KCNH1: variants seen among roughly 807,000 people sequenced by gnomAD.
The protein encoded by KCNH1 is voltage-gated delayed rectifier potassium channel KCNH1.
In KCNH1, 27 loss-of-function variants were observed where a neutral mutation model predicts 69.2. The ratio of observed to expected loss-of-function variants is 0.39; its 90% CI spans 0.29 to 0.54. The LOEUF (loss-of-function observed/expected upper bound fraction) is 0.54, where lower values mean the gene tolerates loss of function less well. KCNH1 is among the 20% of genes least tolerant of loss of function. The pLI, the probability that KCNH1 is intolerant of heterozygous loss-of-function variation, is 0.68. For synonymous variants in KCNH1, 456 were observed against 487.7 expected (o/e 0.93, Z 0.86); for missense variants, 798 against 1,261.6 (o/e 0.63, Z 5.57).
At chr1:210,953,090 A>G (rs1274817752) in intron 6 of KCNH1, among the ~76,000 whole-genome samples, 1 of 152,118 alleles carries the variant, frequency 6.6e-6, no homozygotes, top group Non-Finnish European at 1.5e-5. Flanking sequence ...CTCCCTCACA[A>G]TCTTTCTCCC....
chr1:210,827,953 T>C (rs1685068289), intron 7 of KCNH1, among the ~76,000 whole-genome samples: 1 of 152,166 alleles, frequency 6.6e-6, no homozygotes, highest in African/African-American at 2.4e-5. Flanking sequence ...GGTGGAGTCA[T>C]TCTCATGTCT....
intron 7 of KCNH1, among the ~76,000 whole-genome samples, chr1:210,813,160 C>T (rs1296602197): frequency 6.6e-6 from 1 of 152,172 alleles, no homozygotes; most frequent in African/African-American, 2.4e-5. Context: ...TGACAGTTGA[C>T]ACACATTGGA....
intron 1 of KCNH1, among the ~76,000 whole-genome samples, chr1:211,111,633 C>A (rs1042602577): frequency 6.6e-6 from 1 of 150,856 alleles, no homozygotes; most frequent in South Asian, 2.1e-4. Flanking sequence ...CCGGCCCCCG[C>A]CCCGTCTGGG....
intron 7 of KCNH1, among the ~76,000 whole-genome samples, chr1:210,834,684 T>TC (rs1455455013): frequency 9.9e-6 from 1 of 100,696 alleles, no homozygotes; most frequent in African/African-American, 5.3e-5. Flanking sequence ...TAAAGTATAA[T>TC]TAAAAAAAAA....
At chr1:211,089,709 G>T (rs1451380938) in intron 4 of KCNH1, among the ~76,000 whole-genome samples, 3 of 152,208 alleles carry the variant, frequency 2.0e-5, no homozygotes, top group Non-Finnish European at 2.9e-5. Context: ...AAGGAGCAGA[G>T]GTCTCCAGCA....
chr1:210,737,202 A>G (rs1682901286), intron 10 of KCNH1, among the ~76,000 whole-genome samples: 1 of 152,200 alleles, frequency 6.6e-6, no homozygotes, highest in South Asian at 2.1e-4. Flanking sequence ...GGACAGGGAA[A>G]TGGTCTCAGA....
chr1:210,859,734 G>A, intron 7 of KCNH1: 1 of 1,125,198 alleles, frequency 8.9e-7, no homozygotes, highest in African/African-American at 1.5e-5. Flanking sequence ...TTAAACCTTG[G>A]GGTATCTGTT....
chr1:210,736,919 CAA>C (rs1488940745), intron 10 of KCNH1, among the ~76,000 whole-genome samples: 1 of 152,096 alleles, frequency 6.6e-6, no homozygotes, highest in Non-Finnish European at 1.5e-5. Context: ...GCTTGCTTAC[CAA>C]AGAGTGTTGA....
intron 6 of KCNH1, among the ~76,000 whole-genome samples, chr1:210,977,186 T>C (rs1279235837): frequency 6.6e-6 from 1 of 151,994 alleles, no homozygotes; most frequent in Admixed American, 6.6e-5. Context: ...CAGCAAACTA[T>C]TGCAAGGACA....
intron 10 of KCNH1, among the ~76,000 whole-genome samples, chr1:210,688,028 G>T (rs185421552): frequency 1.3e-3 from 194 of 152,318 alleles, no homozygotes; most frequent in South Asian, 0.011. Context: ...AGGGGGAAAA[G>T]TTCCAAGGTT....
intron 7 of KCNH1, among the ~76,000 whole-genome samples, chr1:210,887,972 A>G (rs1355846583): frequency 1.3e-5 from 2 of 152,160 alleles, no homozygotes; most frequent in African/African-American, 4.8e-5. Flanking sequence ...GGGAGACTTT[A>G]ACACCCCATT....
intron 6 of KCNH1, among the ~76,000 whole-genome samples, chr1:210,937,647 A>G (rs1421867294): frequency 6.6e-6 from 1 of 151,932 alleles, no homozygotes; most frequent in Non-Finnish European, 1.5e-5. Flanking sequence ...GCAGTGGTAT[A>G]CTCCTGTTAC....
At chr1:210,849,399 C>CT (rs1235154957) in intron 7 of KCNH1, among the ~76,000 whole-genome samples, 11 of 110,606 alleles carry the variant, frequency 9.9e-5, no homozygotes, top group Non-Finnish European at 1.5e-4. Flanking sequence ...GAGTTTTGCT[C>CT]TTTTTTGCCC....
intron 7 of KCNH1, among the ~76,000 whole-genome samples, chr1:210,905,321 C>G (rs762332975): frequency 6.6e-6 from 1 of 152,078 alleles, no homozygotes; most frequent in Non-Finnish European, 1.5e-5. Flanking sequence ...TAAGAGTAGC[C>G]CATAGTAAGT....
chr1:210,908,943 C>T (rs1777250), intron 7 of KCNH1, among the ~76,000 whole-genome samples: 78,886 of 152,078 alleles, frequency 0.52, 20,639 homozygotes, highest in Admixed American at 0.53. Flanking sequence ...CCTTCTGCTC[C>T]TTTTGTTCTT....
chr1:210,900,050 T>C (rs1390505997), intron 7 of KCNH1, among the ~76,000 whole-genome samples: 1 of 152,244 alleles, frequency 6.6e-6, no homozygotes, highest in Non-Finnish European at 1.5e-5. Context: ...TAAATGCTTC[T>C]TGCCTCCTAG....
In KCNH1 at chr1:211,116,774, G is replaced by C. The variant is rs1691591597; in HGVS notation, c.80-9397C>G. On this transcript the variant is annotated intron_variant, in intron 1 of 10. Coordinates refer to ENST00000271751, the MANE Select transcript of KCNH1 (RefSeq NM_172362.3). ...ATAATACTTGTGACAGGCCCTGCCA[G>C]ACCTGTGCTCAACTTCAGCTTCTTA... 4.6e-5 allele frequency among the ~76,000 whole-genome samples: 7 copies of C among 152,324 alleles called. No homozygotes were observed. The South Asian group carries it at 1.5e-3, about 32-fold the overall frequency.
At chr1:211,050,260 T>TTAAAAAAAAAAAAAAAAAAA (rs1690173801) in intron 5 of KCNH1, among the ~76,000 whole-genome samples, 1 of 58,582 alleles carries the variant, frequency 1.7e-5, no homozygotes, top group Non-Finnish European at 3.1e-5. Context: ...CACACATTCT[T>TTAAAAAAAAAAAAAAAAAAA]AAAAAAAAAA....
At chr1:211,036,722 A>G (rs140189661) in intron 5 of KCNH1, among the ~76,000 whole-genome samples, 5 of 129,762 alleles carry the variant, frequency 3.9e-5, no homozygotes, top group South Asian at 5.0e-4. Context: ...AGTACAGTCA[A>G]TAATCTCCCT....
Sources: gnomAD v4.1 joint callset for allele counts (sites outside exome capture counted in the v4.1 genomes callset) on GRCh38, gnomAD v4.1.1 for gene constraint, MANE v1.5 for transcripts, NCBI Gene and HGNC (gene_info 2026-07-23, HGNC 2026-07-21) for gene names.